ZDHHC14: variants seen among roughly 807,000 people sequenced by gnomAD.
The protein encoded by ZDHHC14 is zDHHC palmitoyltransferase 14, also known as palmitoyltransferase ZDHHC14.
A neutral mutation model predicts 47.7 loss-of-function variants in ZDHHC14; 16 were observed. The ratio of observed to expected loss-of-function variants is 0.34; its 90% CI spans 0.23 to 0.51. ZDHHC14 has a LOEUF of 0.51. Ranked by LOEUF, ZDHHC14 falls within the 20% of genes least tolerant of loss-of-function variation. The pLI is 0.97. For missense variants in ZDHHC14, 515 were observed against 662.5 expected (o/e 0.78, Z 2.44); for synonymous variants, 293 against 278.9 (o/e 1.05, Z -0.50).
At chr6:157,495,876 T>C (rs1780051750) in intron 1 of ZDHHC14, among the ~76,000 whole-genome samples, 1 of 151,866 alleles carries the variant, frequency 6.6e-6, no homozygotes, top group Non-Finnish European at 1.5e-5. Context: ...GGCTAATTTT[T>C]GTATTTTTGG....
chr6:157,614,066 G>T (rs1261023344), intron 3 of ZDHHC14, among the ~76,000 whole-genome samples: 1 of 152,180 alleles, frequency 6.6e-6, no homozygotes, highest in African/African-American at 2.4e-5. Context: ...GCTAGAAAAT[G>T]GCAGCTCTTG....
rs371367149 is a variant in ZDHHC14, at chr6:157,641,108, G to A, written c.753-4629G>A. Among the ~76,000 whole-genome samples the A allele has an allele frequency of 2.2e-4, 34 of 152,050 alleles. 1 individual carries two copies. Among genetic ancestry groups the A allele is most frequent in the East Asian group, 1.2e-3 (6 of 5,178 alleles). ...TCTACCTCATTTTTTTAACTATTTC[G>A]TAGAATTCCACAGTGTAGATGAACT... On this transcript the variant is annotated intron_variant, in intron 5 of 8. Coordinates refer to ENST00000359775, the MANE Select transcript of ZDHHC14 (RefSeq NM_024630.3).
At chr6:157,621,840 A>G (rs1280098899) in intron 3 of ZDHHC14, among the ~76,000 whole-genome samples, 2 of 152,126 alleles carry the variant, frequency 1.3e-5, no homozygotes, top group Non-Finnish European at 2.9e-5. Context: ...CTGCTTCTCC[A>G]TATTTTTAAG....
chr6:157,526,478 G>A (rs1159867223), intron 1 of ZDHHC14, among the ~76,000 whole-genome samples: 1 of 152,144 alleles, frequency 6.6e-6, no homozygotes, highest in Non-Finnish European at 1.5e-5. Flanking sequence ...CTTAAACGTT[G>A]GTCTACTCGG....
intron 1 of ZDHHC14, among the ~76,000 whole-genome samples, chr6:157,489,860 GAA>G (rs1779871134): frequency 6.6e-6 from 1 of 152,198 alleles, no homozygotes; most frequent in South Asian, 2.1e-4. Context: ...TGGGAGTGGG[GAA>G]GATTGGGTGT....
At chr6:157,596,658 C>G (rs1784145377) in intron 3 of ZDHHC14, among the ~76,000 whole-genome samples, 1 of 152,104 alleles carries the variant, frequency 6.6e-6, no homozygotes, top group Non-Finnish European at 1.5e-5. Context: ...AATACTGGAA[C>G]CTGGCAAGTT....
chr6:157,399,908 G>A (rs1230150043), intron 1 of ZDHHC14, among the ~76,000 whole-genome samples: 2 of 152,196 alleles, frequency 1.3e-5, no homozygotes. Flanking sequence ...TTTGGGGCAA[G>A]GAGAGTTTTA....
In ZDHHC14 at chr6:157,645,727, C is replaced by CA. The variant is rs1562526491; in HGVS notation, c.753-10_753-9insA. 5.0e-6 allele frequency: 8 copies of CA among 1,612,686 alleles called. No individual in the cohort carries two copies. The highest frequency in any genetic ancestry group is 6.8e-6 in the Non-Finnish European group (8 of 1,179,352). ...CCCTCACTTCCGCTTGCCTCCTTGA[C>CA]TCGCATCACCGTCCTGGAGGCTGTG... On this transcript the variant is annotated splice_polypyrimidine_tract_variant and intron_variant, in intron 5 of 8. Transcript: ENST00000359775.
At chr6:157,387,384 T>C (rs993206726) in intron 1 of ZDHHC14, among the ~76,000 whole-genome samples, 1 of 152,174 alleles carries the variant, frequency 6.6e-6, no homozygotes, top group Admixed American at 6.5e-5. Context: ...TAGTAGAGGG[T>C]GCTGCCTTTA....
At chr6:157,630,168 TA>T (rs1785618863) in intron 4 of ZDHHC14, 1 of 151,846 alleles carries the variant, frequency 6.6e-6, no homozygotes, top group South Asian at 2.1e-4. Context: ...TTAGTAGAGA[TA>T]GGGTTTCACC....
intron 3 of ZDHHC14, among the ~76,000 whole-genome samples, chr6:157,613,210 G>A (rs1436166777): frequency 6.6e-6 from 1 of 152,092 alleles, no homozygotes; most frequent in Admixed American, 6.6e-5. Flanking sequence ...TAAAACAGTA[G>A]CTTTCAAACT....
chr6:157,554,340 T>C (rs148277405), intron 2 of ZDHHC14, among the ~76,000 whole-genome samples: 2,343 of 152,286 alleles, frequency 0.015, 63 homozygotes, highest in African/African-American at 0.054. Context: ...CCACTAGGAA[T>C]GTAAGGCAGG....
chr6:157,467,521 T>G (rs1779248589), intron 1 of ZDHHC14, among the ~76,000 whole-genome samples: 1 of 130,206 alleles, frequency 7.7e-6, no homozygotes, highest in South Asian at 2.4e-4. Flanking sequence ...CTCATTTTAT[T>G]TATTTATTTA....
At chr6:157,411,214 A>G (rs1310670423) in intron 1 of ZDHHC14, among the ~76,000 whole-genome samples, 1 of 152,204 alleles carries the variant, frequency 6.6e-6, no homozygotes, top group Non-Finnish European at 1.5e-5. Context: ...AAAGCTTTCA[A>G]TGAATGAAAA....
intron 1 of ZDHHC14, among the ~76,000 whole-genome samples, chr6:157,473,331 A>G (rs1357190302): frequency 6.6e-6 from 1 of 152,126 alleles, no homozygotes; most frequent in African/African-American, 2.4e-5. Context: ...CTCCCTGACA[A>G]TCCTTGGTAA....
intron 1 of ZDHHC14, among the ~76,000 whole-genome samples, chr6:157,465,960 T>G (rs1779204644): frequency 1.3e-5 from 2 of 151,910 alleles, no homozygotes; most frequent in Non-Finnish European, 2.9e-5. Flanking sequence ...GAAAATCACT[T>G]GAACCCGGGA....
rs971629217 is a variant in ZDHHC14 at position 157,473,101 on chromosome 6, T to C, written c.246-69484T>C. On this transcript the variant is annotated intron_variant, in intron 1 of 8. Transcript: ENST00000359775. ...CATGGTATGTGATATATGTATGCAC[T>C]GTGGAATGATGAAATCAGACTATTT... Among the ~76,000 whole-genome samples the C allele has an allele frequency of 2.6e-5, 4 of 152,268 alleles. No individual in the cohort carries two copies. In the East Asian group the frequency reaches 5.8e-4, roughly 22 times the overall value.
chr6:157,597,740 A>G (rs1352349646), intron 3 of ZDHHC14, among the ~76,000 whole-genome samples: 1 of 152,238 alleles, frequency 6.6e-6, no homozygotes, highest in African/African-American at 2.4e-5. Flanking sequence ...CGAAGGAAGT[A>G]GTACATGGAG....
chr6:157,612,517 C>T (rs1301732841), intron 3 of ZDHHC14, among the ~76,000 whole-genome samples: 1 of 152,218 alleles, frequency 6.6e-6, no homozygotes, highest in Non-Finnish European at 1.5e-5. Flanking sequence ...CAGGCGTGGG[C>T]TCCTCAGGGA....
Sources: allele counts gnomAD v4.1 joint callset (sites outside exome capture counted in the v4.1 genomes callset), GRCh38; gene constraint gnomAD v4.1.1; transcripts MANE v1.5; gene names NCBI Gene and HGNC (gene_info 2026-07-23, HGNC 2026-07-21).